The following ZNF655 variants were observed in gnomAD, a reference collection of about 807,000 sequenced individuals.
ZNF655 encodes Vav-interacting Kruppel-like protein 1.
ZNF655 carries 3 observed loss-of-function variants against 6.6 expected under a neutral mutation model. The ratio of observed to expected loss-of-function variants is 0.46; its 90% CI spans 0.21 to 1.18. The LOEUF (loss-of-function observed/expected upper bound fraction) is 1.18. Ranked by LOEUF, ZNF655 falls within the 50% of genes most tolerant of loss-of-function variation. The probability of loss-of-function intolerance (pLI) is 0.24; values close to 1 mark genes in which losing one functional copy is unlikely to be tolerated. For missense variants in ZNF655, 526 were observed against 572.3 expected, an observed-to-expected ratio of 0.92 and a Z score of 0.83; for synonymous variants, 178 against 195.0, an observed-to-expected ratio of 0.91 and a Z score of 0.73.
At chr7:99,564,060 GAT>G (rs775943177) in intron 2 of ZNF655, 1 of 1,600,522 alleles carries the variant, frequency 6.2e-7, no homozygotes, top group South Asian at 1.1e-5. Context: ...ACGATTGTGA[GAT>G]ATTAAAATTG....
chr7:99,561,604 A>C (rs558166624), intron 2 of ZNF655, among the ~76,000 whole-genome samples: 56 of 152,352 alleles, frequency 3.7e-4, no homozygotes, highest in African/African-American at 1.3e-3. Context: ...TCTGCAAAAC[A>C]GGTATAGTCT....
At chr7:99,568,096 C>T (rs1484164028) in intron 2 of ZNF655, among the ~76,000 whole-genome samples, 3 of 151,506 alleles carry the variant, frequency 2.0e-5, no homozygotes, top group Non-Finnish European at 4.4e-5. Flanking sequence ...TAAGTACCTG[C>T]CTTGTGCTAG....
chr7:99,561,511 A>G (rs765435020), intron 2 of ZNF655, among the ~76,000 whole-genome samples: 1 of 152,214 alleles, frequency 6.6e-6, no homozygotes, highest in Non-Finnish European at 1.5e-5. Context: ...TGTCTAGAAC[A>G]GTGCCTGGAA....
At chr7:99,561,778 A>G (rs917648138) in intron 2 of ZNF655, 1 of 496,578 alleles carries the variant, frequency 2.0e-6, no homozygotes, top group Non-Finnish European at 3.4e-6. Context: ...TGGTTTTACT[A>G]GAGTATTGAG....
In ZNF655 at chr7:99,559,023, T is replaced by C. The variant is rs117243156; in HGVS notation, c.-28+236T>C. 8.3e-3 allele frequency: 1,265 copies of C among 152,478 alleles called. 6 individuals carry two copies. The highest frequency in any genetic ancestry group is 0.023 in the Middle Eastern group (7 of 298). The allele number at this position is 152,478 out of a possible 1,614,324, so 9.4% of individuals were successfully genotyped here. On this transcript the variant is annotated intron_variant, in intron 1 of 2. Coordinates refer to ENST00000252713, the MANE Select transcript of ZNF655 (RefSeq NM_138494.3). ...CCGTGCCCTGGTGCGAGCTGGTCTG[T>C]ATGTCCTCACTGGTCCTTTTGGGAC...
Position 99,573,666 on chromosome 7 carries a change from T to C in ZNF655, c.*82T>C. ...GTTCACACCAGGGAGAAATCATGTA[T>C]GTACTGCATGTGGTAAAGCCTTCAG... On this transcript the variant is annotated 3_prime_UTR_variant, in exon 3 of 3. Transcript: ENST00000252713. 4.1e-6 allele frequency: 6 copies of C among 1,470,202 alleles called. No homozygotes were observed. Among genetic ancestry groups the C allele is most frequent in the Non-Finnish European group, 5.5e-6 (6 of 1,096,340 alleles). The allele number at this position is 1,470,202 out of a possible 1,614,324, so 91.1% of individuals were successfully genotyped here. A position where few individuals can be genotyped will look rare whatever the true frequency, so the allele number is the denominator to read the frequency against.
chr7:99,562,586 A>G (rs752807955), intron 2 of ZNF655: 429 of 1,310,250 alleles, frequency 3.3e-4, no homozygotes, highest in Non-Finnish European at 4.2e-4. Context: ...AGGTCTGTAG[A>G]GTGTGGCTTA....
At position 99,574,884 on chromosome 7, in the gene ZNF655, G is replaced by C. The variant is rs1804309670; in HGVS notation, c.*1300G>C. 6.6e-6 allele frequency: 1 copy of C among 152,140 alleles called. No individual in the cohort carries two copies. Among genetic ancestry groups the C allele is most frequent in the African/African-American group, 2.4e-5 (1 of 41,420 alleles). 9.4% of individuals were successfully genotyped at this position (152,140 alleles called of 1,614,324 possible). A position where few individuals can be genotyped will look rare whatever the true frequency, so the allele number is the denominator to read the frequency against. ...CTAGTTTTAAGTGTTTCACCAGCAA[G>C]TATTCCATACCTACTTGATGTTGCT... is the stretch of plus-strand genomic sequence containing the variant. On this transcript the variant is annotated 3_prime_UTR_variant, in exon 3 of 3. Transcript: ENST00000252713.
intron 2 of ZNF655, among the ~76,000 whole-genome samples, chr7:99,565,847 C>T (rs1408495282): frequency 6.6e-6 from 1 of 152,068 alleles, no homozygotes; most frequent in African/African-American, 2.4e-5. Context: ...ATACTCTCTG[C>T]TTTTTTAACT....
intron 2 of ZNF655, 105 bp downstream of exon 2, chr7:99,560,800 C>A: frequency 6.9e-7 from 1 of 1,441,420 alleles, no homozygotes; most frequent in Non-Finnish European, 9.5e-7. Context: ...GGAATAAGAA[C>A]ATGGTCCCTA....
At chr7:99,568,444 G>T (rs546259884) in intron 2 of ZNF655, among the ~76,000 whole-genome samples, 2 of 151,772 alleles carry the variant, frequency 1.3e-5, no homozygotes, top group African/African-American at 2.4e-5. Context: ...TAGAGACAGG[G>T]TTTCACCGTG....
At chr7:99,564,799 T>C (rs1050872547) in intron 2 of ZNF655, 1 of 755,432 alleles carries the variant, frequency 1.3e-6, no homozygotes, top group Non-Finnish European at 1.6e-6. Context: ...CCATTTCCTC[T>C]CTTATCTCTG....
At chr7:99,566,689 T>C (rs1181348757) in intron 2 of ZNF655, among the ~76,000 whole-genome samples, 2 of 152,118 alleles carry the variant, frequency 1.3e-5, no homozygotes, top group Non-Finnish European at 2.9e-5. Context: ...GCCTTCTGGG[T>C]AGCTGGGACT....
Position 99,572,791 on chromosome 7 carries a change from C to T in ZNF655, c.683C>T (p.Thr228Ile). 6.2e-7 allele frequency: 1 copy of T among 1,613,456 alleles called. No individual in the cohort carries two copies. The highest frequency in any genetic ancestry group is 8.5e-7 in the Non-Finnish European group (1 of 1,179,878). Residue 228 changes from threonine to isoleucine, a missense_variant, in exon 3 of 3, where the codon ACT (threonine) becomes ATT (isoleucine). Thr to Ile is a moderately conservative substitution (Grantham distance 89, BLOSUM62 -1). Transcript: ENST00000252713. ...ATTTTCCATCAGAGCTCAGCCCTTA[C>T]TAGACATCAGAGAATCCATACTAGA... ...GKIFHQSSAL[T>I]RHQRIHTREK...
chr7:99,571,173 T>C, intron 2 of ZNF655: 1 of 1,170,626 alleles, frequency 8.5e-7, no homozygotes, highest in Non-Finnish European at 1.1e-6. Flanking sequence ...TATTACTCTT[T>C]GTTTTCTTAT....
At chr7:99,565,993 TAC>T (rs1308601339) in intron 2 of ZNF655, among the ~76,000 whole-genome samples, 9 of 151,878 alleles carry the variant, frequency 5.9e-5, no homozygotes, top group Non-Finnish European at 1.0e-4. Context: ...CATATGTATA[TAC>T]ACACACACAG....
intron 2 of ZNF655, chr7:99,564,800 C>T: frequency 1.1e-5 from 8 of 732,128 alleles, no homozygotes; most frequent in African/African-American, 1.9e-5. Context: ...CATTTCCTCT[C>T]TTATCTCTGC....
Position 99,572,928 on chromosome 7 carries a change from G to A in ZNF655, c.820G>A (p.Asp274Asn), listed in dbSNP as rs1375352255. ...REKPYKCEAS[D>N]KSCEASDKSC... ...AAAACCTTACAAATGTGAAGCATCT[G>A]ATAAATCCTGTGAAGCGTCTGATAA... The change falls in exon 3 of 3, where the codon GAT becomes AAT. Residue 274 changes from aspartate to asparagine, a missense_variant. Coordinates refer to ENST00000252713, the MANE Select transcript of ZNF655 (RefSeq NM_138494.3). 8.7e-6 allele frequency: 14 copies of A among 1,614,014 alleles called. No homozygotes were observed. The highest frequency in any genetic ancestry group is 3.3e-5 in the Admixed American group (2 of 60,012).
chr7:99,569,727 T>C (rs925516257), intron 2 of ZNF655, among the ~76,000 whole-genome samples: 17 of 152,342 alleles, frequency 1.1e-4, no homozygotes, highest in African/African-American at 4.1e-4. Context: ...AATATTTTGA[T>C]GGTACTGATG....
Sources: allele counts gnomAD v4.1 joint callset (sites outside exome capture counted in the v4.1 genomes callset), GRCh38; gene constraint gnomAD v4.1.1; transcripts MANE v1.5; gene names NCBI Gene and HGNC (gene_info 2026-07-23, HGNC 2026-07-21).